CALCOCO2: variants seen among roughly 807,000 people sequenced by gnomAD.
The protein encoded by CALCOCO2 is calcium binding and coiled-coil domain 2.
CALCOCO2 carries 42 observed loss-of-function variants against 62.5 expected under a neutral mutation model. The ratio of observed to expected loss-of-function variants is 0.67; its 90% CI spans 0.53 to 0.87. The LOEUF is 0.87. CALCOCO2 is among the 40% of genes least tolerant of loss of function. The probability of loss-of-function intolerance (pLI) is 0.00; values close to 1 mark genes in which losing one functional copy is unlikely to be tolerated. For missense variants in CALCOCO2, 456 were observed against 515.0 expected (o/e 0.89, Z 1.11); for synonymous variants, 167 against 173.0 (o/e 0.97, Z 0.27).
intron 6 of CALCOCO2, 149 bp from the exon 7 acceptor site, chr17:48,851,410 A>G: frequency 1.6e-6 from 1 of 635,726 alleles, no homozygotes; most frequent in Admixed American, 2.8e-5. Context: ...TTTTGGAGTC[A>G]GGAAGCCAAA....
intron 9 of CALCOCO2, among the ~76,000 whole-genome samples, chr17:48,854,616 G>A (rs1409610683): frequency 1.3e-5 from 2 of 150,298 alleles, no homozygotes; most frequent in Admixed American, 6.7e-5. Flanking sequence ...ATGTTGGCTA[G>A]GCTGGTCTCA....
Position 48,848,474 on chromosome 17 carries a change from C to T in CALCOCO2, c.417+19C>T. 6.2e-7 allele frequency: 1 copy of T among 1,609,854 alleles called. No individual in the cohort carries two copies. The highest frequency in any genetic ancestry group is 1.7e-4 in the Middle Eastern group (1 of 6,052). On this transcript the variant is annotated intron_variant, in intron 4 of 12. Transcript: ENST00000258947. The stretch of plus-strand genomic sequence containing the variant: ...CACTCAGGTTTGTAAAACTTCTCAC[C>T]TCAATCCCTTACTGCCATTACGGGT...
intron 10 of CALCOCO2, among the ~76,000 whole-genome samples, chr17:48,858,022 TAGAA>T (rs1567759238): frequency 7.5e-5 from 1 of 13,402 alleles, no homozygotes; most frequent in African/African-American, 1.2e-4. Flanking sequence ...TAGAATAGAA[TAGAA>T]TAGAATAGAA....
chr17:48,858,634 C>T (rs2040278463), intron 10 of CALCOCO2, among the ~76,000 whole-genome samples: 1 of 151,774 alleles, frequency 6.6e-6, no homozygotes, highest in Admixed American at 6.6e-5. Flanking sequence ...CCGGCCTATT[C>T]CCATTCTCTT....
At chr17:48,838,718 A>T (rs538564100) in intron 1 of CALCOCO2, among the ~76,000 whole-genome samples, 16 of 151,156 alleles carry the variant, frequency 1.1e-4, no homozygotes, top group African/African-American at 1.9e-4. Context: ...TGTCTTAAAA[A>T]ATATATATAT....
chr17:48,834,578 T>C (rs1378577363), intron 1 of CALCOCO2, among the ~76,000 whole-genome samples: 1 of 152,226 alleles, frequency 6.6e-6, no homozygotes, highest in Non-Finnish European at 1.5e-5. Flanking sequence ...ACCTAGCTCG[T>C]CCCACTAATT....
chr17:48,855,996 C>G (rs2040209604), intron 9 of CALCOCO2, 96 bp from the exon 10 acceptor site: 3 of 533,302 alleles, frequency 5.6e-6, no homozygotes, highest in African/African-American at 1.9e-5. Flanking sequence ...CCATCTCAGT[C>G]TCCCCGCTTT....
At chr17:48,862,741 TTATGC>T in intron 12 of CALCOCO2, 92 bp from the exon 13 acceptor site, 1 of 941,772 alleles carries the variant, frequency 1.1e-6, no homozygotes. Flanking sequence ...GTGCCAGTCA[TTATGC>T]TAGGCACTGA....
chr17:48,859,651 G>A (rs976213583), intron 10 of CALCOCO2, among the ~76,000 whole-genome samples: 10 of 152,032 alleles, frequency 6.6e-5, no homozygotes, highest in East Asian at 1.9e-4. Flanking sequence ...TAGTTTCAAC[G>A]TTAATATACC....
chr17:48,839,880 G>A (rs1441884707), intron 1 of CALCOCO2, among the ~76,000 whole-genome samples: 1 of 151,064 alleles, frequency 6.6e-6, no homozygotes, highest in African/African-American at 2.4e-5. Flanking sequence ...TCTCCATCTT[G>A]GTCAAGCTGG....
At chr17:48,848,692 C>A (rs1253955104) in intron 4 of CALCOCO2, 1 of 602,110 alleles carries the variant, frequency 1.7e-6, no homozygotes, top group Non-Finnish European at 3.0e-6. Context: ...TTCAGTTATT[C>A]TTTTAACTTT....
At chr17:48,859,903 C>T (rs976272484) in intron 10 of CALCOCO2, among the ~76,000 whole-genome samples, 2 of 151,950 alleles carry the variant, frequency 1.3e-5, no homozygotes, top group Non-Finnish European at 2.9e-5. Flanking sequence ...GAGACCAGCC[C>T]GGCCAACATG....
intron 7 of CALCOCO2, among the ~76,000 whole-genome samples, chr17:48,852,168 C>T (rs2040142760): frequency 6.6e-6 from 1 of 151,518 alleles, no homozygotes; most frequent in African/African-American, 2.4e-5. Context: ...TCATGATTCA[C>T]AAGGAACTTA....
chr17:48,831,493 C>A (rs967320518), intron 1 of CALCOCO2: 1 of 152,332 alleles, frequency 6.6e-6, no homozygotes, highest in Non-Finnish European at 1.5e-5. Flanking sequence ...GAGGTGGAGC[C>A]TTGTTGCGTC....
chr17:48,862,794 C>T, intron 12 of CALCOCO2, 44 bp from the exon 13 acceptor site: 1 of 1,556,560 alleles, frequency 6.4e-7, no homozygotes, highest in Middle Eastern at 1.8e-4. Context: ...ATCTGTGCCA[C>T]ATATAGCTTA....
At chr17:48,851,391 C>A in intron 6 of CALCOCO2, 168 bp from the exon 7 acceptor site, 1 of 624,448 alleles carries the variant, frequency 1.6e-6, no homozygotes, top group Non-Finnish European at 2.9e-6. Flanking sequence ...GGATTGAATA[C>A]TTGCAGTTTT....
chr17:48,832,848 T>C (rs1236616526), intron 1 of CALCOCO2, among the ~76,000 whole-genome samples: 2 of 152,176 alleles, frequency 1.3e-5, no homozygotes, highest in Non-Finnish European at 2.9e-5. Flanking sequence ...CCCAGAACTA[T>C]TTTTTCCATC....
chr17:48,854,707 A>G (rs1245225281), intron 9 of CALCOCO2, among the ~76,000 whole-genome samples: 1 of 151,170 alleles, frequency 6.6e-6, no homozygotes, highest in African/African-American at 2.4e-5. Context: ...CACCCGGCCA[A>G]TTTTCTTAGT....
chr17:48,861,274 A>G (rs769634792), intron 11 of CALCOCO2, among the ~76,000 whole-genome samples: 2 of 151,944 alleles, frequency 1.3e-5, no homozygotes, highest in Non-Finnish European at 2.9e-5. Flanking sequence ...CCTGGGCTCA[A>G]CCGATCCTCT....
Sources: gnomAD v4.1 joint callset for allele counts (sites outside exome capture counted in the v4.1 genomes callset) on GRCh38, gnomAD v4.1.1 for gene constraint, MANE v1.5 for transcripts, NCBI Gene and HGNC (gene_info 2026-07-23, HGNC 2026-07-21) for gene names.